The following CYFIP2 variants were observed in gnomAD, a reference collection of about 807,000 sequenced individuals.
CYFIP2 encodes cytoplasmic FMR1 interacting protein 2, also known as cytoplasmic FMR1-interacting protein 2.
In CYFIP2, 29 loss-of-function variants were observed where a neutral mutation model predicts 158.7. The ratio of observed to expected loss-of-function variants is 0.18; its 90% CI spans 0.14 to 0.25. The LOEUF is 0.25. Among genes scored for constraint, CYFIP2 ranks in the 10% least tolerant of loss-of-function variants. The pLI is 1.00. For missense variants in CYFIP2, 852 were observed against 1,639.5 expected, an observed-to-expected ratio of 0.52 and a Z score of 8.29; for synonymous variants, 585 against 617.6, an observed-to-expected ratio of 0.95 and a Z score of 0.78.
At chr5:157,353,457 G>A (rs1763205794) in intron 23 of CYFIP2, among the ~76,000 whole-genome samples, 1 of 152,162 alleles carries the variant, frequency 6.6e-6, no homozygotes, top group African/African-American at 2.4e-5. Flanking sequence ...CCTCTGAGCT[G>A]AGAAGGCCAA....
At chr5:157,309,867 G>A (rs765856886) in intron 10 of CYFIP2, 33 bp downstream of exon 10, 7 of 1,554,286 alleles carry the variant, frequency 4.5e-6, no homozygotes, top group African/African-American at 4.1e-5. Context: ...CTCGGCTCCC[G>A]CAAGGATGCC....
intron 1 of CYFIP2, among the ~76,000 whole-genome samples, chr5:157,268,687 T>TA (rs1755826911): frequency 6.6e-6 from 1 of 152,222 alleles, no homozygotes; most frequent in African/African-American, 2.4e-5. Flanking sequence ...GTGGCCACCG[T>TA]AACAATGAGT....
At chr5:157,270,577 G>T (rs905202333) in intron 1 of CYFIP2, among the ~76,000 whole-genome samples, 6 of 152,174 alleles carry the variant, frequency 3.9e-5, no homozygotes, top group Non-Finnish European at 5.9e-5. Flanking sequence ...ATTTGTTTTG[G>T]CAAGATATGA....
Position 157,395,482 on chromosome 5 carries a change from C to A in CYFIP2, c.*2482C>A, listed in dbSNP as rs544845534. The A allele has an allele frequency of 1.0e-4, 51 of 486,596 alleles. No homozygotes were observed. The highest frequency in any genetic ancestry group is 8.0e-4 in the South Asian group (48 of 59,800). The allele number at this position is 486,596 out of a possible 1,614,324, so 30.1% of individuals were successfully genotyped here. A position where few individuals can be genotyped will look rare whatever the true frequency, so the allele number is the denominator to read the frequency against. Reference sequence around the variant, plus strand: ...AAATAATGATGTTAAATTCTTAAATCATATTTGCTATGCAGCTGAAGATGA... The same window carrying A: ...AAATAATGATGTTAAATTCTTAAATAATATTTGCTATGCAGCTGAAGATGA... On this transcript the variant is annotated 3_prime_UTR_variant, in exon 31 of 31. Transcript: ENST00000620254.
Position 157,361,533 on chromosome 5 carries a change from G to A in CYFIP2, c.2974G>A (p.Val992Met), listed in dbSNP as rs996091939. The A allele has an allele frequency of 3.7e-6, 6 of 1,613,902 alleles. No homozygotes were observed. The highest frequency in any genetic ancestry group is 2.7e-5 in the African/African-American group (2 of 74,842). Residue 992 changes from valine (V) to methionine (M), a missense_variant, in exon 26 of 31, where the codon GTG becomes ATG. Physicochemically the swap from Val to Met is conservative, Grantham distance 21 (BLOSUM62 1). Coordinates refer to ENST00000620254, the MANE Select transcript of CYFIP2 (RefSeq NM_001037333.3). The surrounding 1 kb of genome is among the most constrained non-coding windows in gnomAD (Gnocchi z 4.4). ...IIEYAELKTD[V>M]FQSLREVGNA... ...TGAGTACGCAGAGCTCAAAACAGAC[G>A]TGTTCCAGAGCCTGAGGGAAGTGGG...
intron 9 of CYFIP2, among the ~76,000 whole-genome samples, chr5:157,308,726 T>C (rs1210297294): frequency 1.3e-5 from 2 of 152,162 alleles, no homozygotes; most frequent in Non-Finnish European, 2.9e-5. Context: ...TTTGCTTGTT[T>C]TCAAGGGTGG....
intron 1 of CYFIP2, among the ~76,000 whole-genome samples, chr5:157,274,357 C>T (rs12519487): frequency 5.9e-5 from 9 of 151,912 alleles, no homozygotes; most frequent in Admixed American, 1.3e-4. Context: ...TTTAATGATT[C>T]GCTTCTTTCA....
At chr5:157,373,887 G>A (rs936893000) in intron 26 of CYFIP2, among the ~76,000 whole-genome samples, 8 of 152,140 alleles carry the variant, frequency 5.3e-5, no homozygotes, top group African/African-American at 9.6e-5. Flanking sequence ...TTTTGAAAGC[G>A]AACATAAAGC....
intron 15 of CYFIP2, 67 bp from the exon 16 acceptor site, chr5:157,323,854 G>A: frequency 2.1e-6 from 3 of 1,425,206 alleles, no homozygotes; most frequent in Non-Finnish European, 2.8e-6. Context: ...AATACAACAT[G>A]AAGCAACCTT....
In CYFIP2 at chr5:157,311,760, C is replaced by G. The variant is rs752212345; in HGVS notation, c.1089C>G (p.Leu363=). 5.6e-6 allele frequency: 9 copies of G among 1,599,718 alleles called. No individual in the cohort carries two copies. Among genetic ancestry groups the G allele is most frequent in the Non-Finnish European group, 7.7e-6 (9 of 1,173,346 alleles). Reference sequence around the variant, plus strand: ...ACCACATCCGCTTCATCTCCGAGCTCGCTCGCTACAGCAACAGTGAGGTGA... The same window carrying G: ...ACCACATCCGCTTCATCTCCGAGCTGGCTCGCTACAGCAACAGTGAGGTGA... ...RDDHIRFISE[L]ARYSNSEVVT... The change falls in exon 11 of 31, where the codon CTC becomes CTG. Residue 363 remains leucine, a synonymous_variant. Transcript: ENST00000620254. This position sits in a 1 kb window ranked among gnomAD's most constrained non-coding sequence, Gnocchi z 4.7.
intron 23 of CYFIP2, among the ~76,000 whole-genome samples, chr5:157,357,746 G>T (rs1482109790): frequency 1.3e-5 from 2 of 151,990 alleles, no homozygotes; most frequent in African/African-American, 4.8e-5. Context: ...CAGGAGAATT[G>T]CTTGAACCCG....
At chr5:157,304,971 A>G (rs1045116774) in intron 8 of CYFIP2, among the ~76,000 whole-genome samples, 5 of 152,182 alleles carry the variant, frequency 3.3e-5, no homozygotes, top group African/African-American at 1.2e-4. Flanking sequence ...GCACCCTCGT[A>G]GCTTAGCTCC....
At chr5:157,320,560 T>C in intron 14 of CYFIP2, 95 bp from the exon 15 acceptor site, 1 of 1,494,016 alleles carries the variant, frequency 6.7e-7, no homozygotes, top group Non-Finnish European at 9.1e-7. Flanking sequence ...CAAATGTGGG[T>C]GTTCCTGGGA....
chr5:157,286,580 T>TATATATATATATATATA (rs1561691042), intron 2 of CYFIP2, among the ~76,000 whole-genome samples: 1 of 139,980 alleles, frequency 7.1e-6, no homozygotes, highest in African/African-American at 2.8e-5. Context: ...ATATATATAT[T>TATATATATATATATATA]TAGCCTTTCA....
At chr5:157,351,139 GA>G (rs1193960329) in intron 23 of CYFIP2, among the ~76,000 whole-genome samples, 1 of 152,094 alleles carries the variant, frequency 6.6e-6, no homozygotes, top group Non-Finnish European at 1.5e-5. Flanking sequence ...GTTCTCGGGG[GA>G]AATTCCCCCA....
chr5:157,297,448 T>A (rs1758348513), intron 5 of CYFIP2, among the ~76,000 whole-genome samples: 1 of 152,238 alleles, frequency 6.6e-6, no homozygotes, highest in South Asian at 2.1e-4. Context: ...AATGACCGGC[T>A]TCACAGGTTT....
At chr5:157,327,581 G>T (rs1301219852) in intron 18 of CYFIP2, among the ~76,000 whole-genome samples, 1 of 149,566 alleles carries the variant, frequency 6.7e-6, no homozygotes, top group Non-Finnish European at 1.5e-5. Context: ...AAAAAAAATT[G>T]CAAATCAAAG....
intron 26 of CYFIP2, among the ~76,000 whole-genome samples, chr5:157,379,668 C>CAAAAAA (rs70984468): frequency 0.014 from 1,017 of 73,502 alleles, 39 homozygotes; most frequent in African/African-American, 0.02. Context: ...GACCCTGTCT[C>CAAAAAA]AAAAAAAAAA....
intron 16 of CYFIP2, 22 bp downstream of exon 16, chr5:157,324,096 C>A: frequency 6.3e-7 from 1 of 1,595,910 alleles, no homozygotes; most frequent in Non-Finnish European, 8.6e-7. Context: ...CCCATCCCTG[C>A]TAAGGCATGG....
Sources: allele counts gnomAD v4.1 joint callset (sites outside exome capture counted in the v4.1 genomes callset), GRCh38; gene constraint gnomAD v4.1.1; non-coding constraint Gnocchi (gnomAD v3.1); transcripts MANE v1.5; gene names NCBI Gene and HGNC (gene_info 2026-07-23, HGNC 2026-07-21).